OTUD7B: variants seen among roughly 807,000 people sequenced by gnomAD.
OTUD7B encodes the protein OTU deubiquitinase 7B.
OTUD7B carries 34 observed loss-of-function variants against 82.2 expected under a neutral mutation model. That is an observed-to-expected ratio of 0.41 (90% confidence interval 0.31 to 0.55). OTUD7B has a LOEUF of 0.55. Ranked by LOEUF, OTUD7B falls within the 20% of genes least tolerant of loss-of-function variation. The probability of loss-of-function intolerance (pLI) is 0.20; values close to 1 mark genes in which losing one functional copy is unlikely to be tolerated. For missense variants in OTUD7B, 944 were observed against 1,062.1 expected (o/e 0.89, Z 1.55); for synonymous variants, 398 against 402.7 (o/e 0.99, Z 0.14).
At chr1:150,013,040 T>A (rs1406483649), upstream of OTUD7B, among the ~76,000 whole-genome samples, 1 of 152,238 alleles carries the variant, frequency 6.6e-6, no homozygotes, top group African/African-American at 2.4e-5. Context: ...CTAGGTTGGA[T>A]GCTCAGAGGC....
chr1:150,006,479 GAATT>G (rs1553786127), intron 1 of OTUD7B, among the ~76,000 whole-genome samples: 1 of 152,036 alleles, frequency 6.6e-6, no homozygotes, highest in Non-Finnish European at 1.5e-5. Context: ...ACCTAGCAAA[GAATT>G]AAACTCATAG....
At chr1:150,003,615 C>G (rs375071897) in intron 1 of OTUD7B, among the ~76,000 whole-genome samples, 23 of 152,280 alleles carry the variant, frequency 1.5e-4, no homozygotes, top group African/African-American at 5.3e-4. Flanking sequence ...ACATATCTGT[C>G]TCCTCCCACT....
intron 2 of OTUD7B, among the ~76,000 whole-genome samples, chr1:149,975,457 C>T (rs1297564237): frequency 6.6e-6 from 1 of 152,166 alleles, no homozygotes; most frequent in Non-Finnish European, 1.5e-5. Context: ...GATAATAAAA[C>T]TTTATTGTAT....
Position 149,944,175 on chromosome 1 carries a change from T to C in OTUD7B, c.2214A>G (p.Arg738=). ...ATFPRQCPPG[R]PYPHQDSIPS... ...GGATGCTGTCCTGGTGGGGGTAGGGTCGCCCAGGAGGGCACTGTCTGGGGA... is the reference window on the plus strand; with the variant it reads ...GGATGCTGTCCTGGTGGGGGTAGGGCCGCCCAGGAGGGCACTGTCTGGGGA... Residue 738 remains arginine (R), a synonymous_variant, in exon 12 of 12, where the codon CGA becomes CGG. Coordinates refer to ENST00000581312, the MANE Select transcript of OTUD7B (RefSeq NM_020205.4). 1 of 1,613,624 alleles carries C rather than the reference T, an allele frequency of 6.2e-7. No individual in the cohort carries two copies. Among genetic ancestry groups the C allele is most frequent in the Non-Finnish European group, 8.5e-7 (1 of 1,179,808 alleles).
upstream of OTUD7B, among the ~76,000 whole-genome samples, chr1:150,013,920 C>CAAAA (rs1207073066): frequency 0.053 from 2,895 of 54,496 alleles, 199 homozygotes; most frequent in South Asian, 0.075. Context: ...GACTCTGTCT[C>CAAAA]AAAAAAAAAA....
At chr1:149,987,535 T>G (rs1651237665) in intron 1 of OTUD7B, among the ~76,000 whole-genome samples, 1 of 152,232 alleles carries the variant, frequency 6.6e-6, no homozygotes, top group Non-Finnish European at 1.5e-5. Flanking sequence ...CGTGAAGCCT[T>G]AGGGCAGCTT....
At chr1:150,047,569 T>A in the OTUD7B span, 2 of 152,198 alleles carry the variant, frequency 1.3e-5, no homozygotes, top group Admixed American at 1.3e-4. Flanking sequence ...GTTGAATATA[T>A]GAACATCCTC....
At chr1:150,065,285 G>A in the OTUD7B span, among the ~76,000 whole-genome samples, 1 of 152,124 alleles carries the variant, frequency 6.6e-6, no homozygotes, top group Admixed American at 6.5e-5. Context: ...TATTGTCTAA[G>A]CTGGTCTTGA....
the OTUD7B span, among the ~76,000 whole-genome samples, chr1:150,042,459 C>A: frequency 2.6e-5 from 4 of 152,086 alleles, no homozygotes; most frequent in Non-Finnish European, 5.9e-5. Context: ...CAGGTTTGAG[C>A]CACCGCAACC....
the OTUD7B span, among the ~76,000 whole-genome samples, chr1:150,034,833 C>T: frequency 6.6e-6 from 1 of 151,890 alleles, no homozygotes; most frequent in African/African-American, 2.4e-5. Flanking sequence ...TTTATGTTTA[C>T]TTATGGGCCT....
At chr1:149,972,235 C>A (rs1649989689) in intron 2 of OTUD7B, among the ~76,000 whole-genome samples, 1 of 152,182 alleles carries the variant, frequency 6.6e-6, no homozygotes, top group Non-Finnish European at 1.5e-5. Context: ...GAGTTGAAAG[C>A]ACTTAGAATA....
At chr1:150,026,808 A>G in the OTUD7B span, among the ~76,000 whole-genome samples, 1 of 152,202 alleles carries the variant, frequency 6.6e-6, no homozygotes. Flanking sequence ...AGTCATCCAT[A>G]AAAATAAATC....
the OTUD7B span, chr1:150,054,044 G>A: frequency 1.2e-4 from 46 of 369,018 alleles, no homozygotes; most frequent in South Asian, 1.5e-3. Flanking sequence ...TTCTCCATCT[G>A]CTATGTATTC....
intron 1 of OTUD7B, among the ~76,000 whole-genome samples, chr1:149,981,682 T>C (rs1216767559): frequency 6.6e-6 from 1 of 152,234 alleles, no homozygotes; most frequent in African/African-American, 2.4e-5. Context: ...CATTCATAAA[T>C]ATTTGTGCTG....
intron 4 of OTUD7B, among the ~76,000 whole-genome samples, chr1:149,966,936 G>T (rs782573744): frequency 6.6e-6 from 1 of 152,118 alleles, no homozygotes; most frequent in Non-Finnish European, 1.5e-5. Context: ...AAATACATTT[G>T]GGGGGATAGG....
intron 7 of OTUD7B, among the ~76,000 whole-genome samples, chr1:149,954,248 T>C (rs1648489152): frequency 6.6e-6 from 1 of 152,238 alleles, no homozygotes; most frequent in Non-Finnish European, 1.5e-5. Flanking sequence ...TGAGAGTTTT[T>C]AGCATGAAGG....
At chr1:149,956,208 G>A (rs1056686599) in intron 7 of OTUD7B, among the ~76,000 whole-genome samples, 2 of 152,102 alleles carry the variant, frequency 1.3e-5, no homozygotes, top group Non-Finnish European at 2.9e-5. Flanking sequence ...CTTCTTTCAG[G>A]AGCTCTTGTA....
chr1:150,012,288 C>T (rs1414447695), upstream of OTUD7B, among the ~76,000 whole-genome samples: 6 of 152,100 alleles, frequency 3.9e-5, no homozygotes, highest in East Asian at 3.9e-4. Context: ...TGGCTACAGC[C>T]GTTGGAAAGG....
the OTUD7B span, among the ~76,000 whole-genome samples, chr1:150,029,713 G>A: frequency 3.3e-5 from 5 of 152,188 alleles, no homozygotes; most frequent in African/African-American, 1.2e-4. Context: ...ATAAGAAACA[G>A]AGGATCCAAA....
Sources: allele counts gnomAD v4.1 joint callset (sites outside exome capture counted in the v4.1 genomes callset), GRCh38; gene constraint gnomAD v4.1.1; transcripts MANE v1.5; gene names NCBI Gene and HGNC (gene_info 2026-07-23, HGNC 2026-07-21).